RAB6A: variants seen among roughly 807,000 people sequenced by gnomAD.
RAB6A encodes the protein RAB6A, member RAS oncogene family.
RAB6A carries 8 observed loss-of-function variants against 32.3 expected under a neutral mutation model. The observed-to-expected ratio is 0.25, with a 90% confidence interval of 0.15 to 0.45. The LOEUF (loss-of-function observed/expected upper bound fraction) is 0.45, where lower values mean the gene tolerates loss of function less well. Among genes scored for constraint, RAB6A ranks in the 20% least tolerant of loss-of-function variants. RAB6A has a pLI of 1.00. For synonymous variants in RAB6A, 73 were observed against 82.1 expected (o/e 0.89, Z 0.60); for missense variants, 104 against 249.4 (o/e 0.42, Z 3.93).
In RAB6A at chr11:73,714,663, AAAAT is replaced by A. The variant is rs200450428; in HGVS notation, c.401+1584_401+1587del. ...GGTGACAATGCGAGACTCCAACTCA[AAAAT>A]AAATAAATAAATAAAATAAAGGTAC... On this transcript the variant is annotated intron_variant, in intron 5 of 7. Coordinates refer to ENST00000336083, the MANE Select transcript of RAB6A (RefSeq NM_198896.2). Among the ~76,000 whole-genome samples, 1,367 of 151,390 alleles carry A rather than the reference AAAAT, an allele frequency of 9.0e-3. 14 individuals carry two copies. The highest frequency in any genetic ancestry group is 0.034 in the Middle Eastern group (10 of 290).
intron 1 of RAB6A, among the ~76,000 whole-genome samples, chr11:73,752,690 T>C (rs904564398): frequency 8.6e-5 from 13 of 151,970 alleles, no homozygotes; most frequent in Non-Finnish European, 1.5e-4. Flanking sequence ...TGGTGGCGCA[T>C]GCTTGTGGTT....
chr11:73,684,130 G>A (rs1047369090), intron 6 of RAB6A, among the ~76,000 whole-genome samples: 1 of 150,828 alleles, frequency 6.6e-6, no homozygotes. Flanking sequence ...GCATTTTTTA[G>A]TAATAAAGTA....
chr11:73,695,448 C>T (rs1945641652), intron 6 of RAB6A, among the ~76,000 whole-genome samples: 1 of 151,570 alleles, frequency 6.6e-6, no homozygotes, highest in Non-Finnish European at 1.5e-5. Context: ...GGCGCAATCT[C>T]GGCTCACTGC....
At chr11:73,747,056 TGC>T (rs1946599354) in intron 1 of RAB6A, among the ~76,000 whole-genome samples, 1 of 149,492 alleles carries the variant, frequency 6.7e-6, no homozygotes, top group African/African-American at 2.5e-5. Context: ...CCTCCCAAAG[TGC>T]TGGGATTACA....
intron 1 of RAB6A, among the ~76,000 whole-genome samples, chr11:73,750,898 C>A (rs1946661081): frequency 6.6e-6 from 1 of 151,938 alleles, no homozygotes. Flanking sequence ...CTCACAGTAG[C>A]CTCAACCTCC....
chr11:73,678,336 G>T (rs1945298107), intron 7 of RAB6A, among the ~76,000 whole-genome samples: 1 of 152,182 alleles, frequency 6.6e-6, no homozygotes. Flanking sequence ...GGGACTTCAG[G>T]CCGGGTGCCG....
chr11:73,760,126 T>C, intron 1 of RAB6A: 1 of 1,292,566 alleles, frequency 7.7e-7, no homozygotes, highest in African/African-American at 1.5e-5. Flanking sequence ...TGGCCAAGGT[T>C]GAAGAGGGCC....
intron 2 of RAB6A, among the ~76,000 whole-genome samples, chr11:73,724,196 C>T (rs987563357): frequency 1.3e-5 from 2 of 152,134 alleles, no homozygotes; most frequent in Non-Finnish European, 2.9e-5. Flanking sequence ...CAAAAGGTGA[C>T]TCCAAAAGCA....
chr11:73,742,724 C>CTGAG (rs1244086861), intron 1 of RAB6A, among the ~76,000 whole-genome samples: 1 of 151,928 alleles, frequency 6.6e-6, no homozygotes, highest in Admixed American at 6.6e-5. Context: ...GCAGGAGAAT[C>CTGAG]GCTTGAACTC....
chr11:73,735,067 A>G lies in RAB6A; in HGVS notation c.71-4244T>C, dbSNP rs117216670. ...CATTTGCATTCACTATGCTGCCTCAATGCAATCTCCAGAAACAAAATAGAA... is the reference window on the plus strand; with the variant it reads ...CATTTGCATTCACTATGCTGCCTCAGTGCAATCTCCAGAAACAAAATAGAA... On this transcript the variant is annotated intron_variant, in intron 1 of 7. Transcript: ENST00000336083. Among the ~76,000 whole-genome samples the G allele has an allele frequency of 9.1e-3, 1,387 of 152,312 alleles. 14 individuals are homozygous for G. Among genetic ancestry groups the G allele is most frequent in the Middle Eastern group, 0.034 (10 of 294 alleles).
At chr11:73,701,443 T>TTCA (rs1371258171) in intron 6 of RAB6A, among the ~76,000 whole-genome samples, 4 of 152,244 alleles carry the variant, frequency 2.6e-5, no homozygotes, top group Non-Finnish European at 5.9e-5. Context: ...GAATTGTGAC[T>TTCA]GACCTACATA....
chr11:73,678,438 G>A (rs1344297917), intron 7 of RAB6A, among the ~76,000 whole-genome samples: 3 of 151,986 alleles, frequency 2.0e-5, no homozygotes, highest in South Asian at 2.1e-4. Context: ...CCAACATGGC[G>A]AAACCCCATC....
intron 6 of RAB6A, among the ~76,000 whole-genome samples, chr11:73,706,984 G>A (rs1334866000): frequency 6.6e-6 from 1 of 152,048 alleles, no homozygotes; most frequent in African/African-American, 2.4e-5. Context: ...TGGGCATGGT[G>A]GCGCATGCCA....
In RAB6A at chr11:73,677,781, G is replaced by C; in HGVS notation, c.*117C>G. The C allele has an allele frequency of 6.4e-7, 1 of 1,564,658 alleles. No homozygotes were observed. Among genetic ancestry groups the C allele is most frequent in the Non-Finnish European group, 8.7e-7 (1 of 1,143,122 alleles). The stretch of plus-strand genomic sequence containing the variant: ...ACGAGACAGGCAGCAATGATGAATT[G>C]CAATACGTTATTACTGAAGGGAAAA... On this transcript the variant is annotated 3_prime_UTR_variant, in exon 8 of 8. Transcript: ENST00000336083.
intron 2 of RAB6A, among the ~76,000 whole-genome samples, chr11:73,726,623 C>T (rs1289449693): frequency 8.3e-6 from 1 of 120,122 alleles, no homozygotes; most frequent in Non-Finnish European, 1.7e-5. Context: ...GTGGTGCACA[C>T]CTGTAGTTCC....
chr11:73,755,105 A>G (rs984061900), intron 1 of RAB6A, among the ~76,000 whole-genome samples: 1 of 150,834 alleles, frequency 6.6e-6, no homozygotes, highest in Non-Finnish European at 1.5e-5. Flanking sequence ...ATTTCTTTGT[A>G]TTTTTAGTAG....
chr11:73,704,132 C>T (rs1175472429), intron 6 of RAB6A: 3 of 377,960 alleles, frequency 7.9e-6, no homozygotes, highest in African/African-American at 4.2e-5. Context: ...CCTATAATCT[C>T]GAAATCTTCG....
At chr11:73,731,748 ATT>A (rs1946316654) in intron 1 of RAB6A, among the ~76,000 whole-genome samples, 1 of 83,434 alleles carries the variant, frequency 1.2e-5, no homozygotes, top group African/African-American at 4.8e-5. Context: ...ACACACACAT[ATT>A]TTCTTTTTTT....
Position 73,681,145 on chromosome 11 carries a change from GC to G in RAB6A, c.496-1426del, listed in dbSNP as rs560367150. On this transcript the variant is annotated intron_variant, in intron 6 of 7. Coordinates refer to ENST00000336083, the MANE Select transcript of RAB6A (RefSeq NM_198896.2). ...CTTACTTGAGGCAGTGTATCAGGCAGCCTCATTCTGTGTCTTTGAGACACAG... is the reference window on the plus strand; with the variant it reads ...CTTACTTGAGGCAGTGTATCAGGCAGCTCATTCTGTGTCTTTGAGACACAG... Among the ~76,000 whole-genome samples, 36 of 152,292 alleles carry G rather than the reference GC, an allele frequency of 2.4e-4. No individual in the cohort carries two copies. The East Asian group carries it at 6.6e-3, about 28-fold the overall frequency.
Sources: gnomAD v4.1 joint callset for allele counts (sites outside exome capture counted in the v4.1 genomes callset) on GRCh38, gnomAD v4.1.1 for gene constraint, MANE v1.5 for transcripts, NCBI Gene and HGNC (gene_info 2026-07-23, HGNC 2026-07-21) for gene names.